PSD3: variants seen among roughly 807,000 people sequenced by gnomAD.
PSD3 encodes pleckstrin and Sec7 domain containing 3.
A neutral mutation model predicts 105.5 loss-of-function variants in PSD3; 49 were observed. The ratio of observed to expected loss-of-function variants is 0.46; its 90% CI spans 0.37 to 0.59. The LOEUF is 0.59. Ranked by LOEUF, PSD3 falls within the 20% of genes least tolerant of loss-of-function variation. The probability of loss-of-function intolerance (pLI) is 0.00; values close to 1 mark genes in which losing one functional copy is unlikely to be tolerated. For synonymous variants in PSD3, 557 were observed against 457.8 expected (o/e 1.22, Z -2.77); for missense variants, 1,561 against 1,263.8 (o/e 1.24, Z -3.57).
chr8:18,549,085 C>G (rs1173527434), intron 15 of PSD3, among the ~76,000 whole-genome samples: 1 of 151,970 alleles, frequency 6.6e-6, no homozygotes, highest in African/African-American at 2.4e-5. Context: ...TTGCAGGGGG[C>G]TCTCTTGGCA....
intron 8 of PSD3, among the ~76,000 whole-genome samples, chr8:18,791,894 C>T (rs1586009733): frequency 6.6e-6 from 1 of 152,104 alleles, no homozygotes; most frequent in East Asian, 1.9e-4. Context: ...CAAACAATCA[C>T]ATTAAAAAGT....
rs577333583 is a variant in PSD3 at position 18,878,000 on chromosome 8, C to G, written c.131-5267G>C. Reference sequence around the variant, plus strand: ...AATTTCCCATTACTTTTAGAATCAACTCGTCAGAAAGCTGTGATTTTGATA... The same window carrying G: ...AATTTCCCATTACTTTTAGAATCAAGTCGTCAGAAAGCTGTGATTTTGATA... On this transcript the variant is annotated intron_variant, in intron 2 of 15. Transcript: ENST00000327040. 5.3e-5 allele frequency among the ~76,000 whole-genome samples: 8 copies of G among 152,240 alleles called. No individual in the cohort carries two copies. The South Asian group carries it at 1.5e-3, about 28-fold the overall frequency.
At chr8:18,972,405 A>T (rs1367586201) in intron 1 of PSD3, among the ~76,000 whole-genome samples, 3 of 152,254 alleles carry the variant, frequency 2.0e-5, no homozygotes, top group Non-Finnish European at 4.4e-5. Context: ...ATCAAAGAGC[A>T]GCAGTTATCA....
chr8:18,983,906 G>A (rs1825367002), intron 1 of PSD3, among the ~76,000 whole-genome samples: 2 of 151,326 alleles, frequency 1.3e-5, no homozygotes, highest in African/African-American at 2.4e-5. Context: ...AGGAGGCTGA[G>A]ACAGGAGGAT....
chr8:18,814,489 T>G (rs1812037300), intron 4 of PSD3, among the ~76,000 whole-genome samples: 1 of 152,212 alleles, frequency 6.6e-6, no homozygotes, highest in African/African-American at 2.4e-5. Flanking sequence ...ACTTTTTGTT[T>G]TATTTACTTA....
chr8:18,817,193 G>A (rs1023306751), intron 4 of PSD3, among the ~76,000 whole-genome samples: 4 of 152,128 alleles, frequency 2.6e-5, no homozygotes, highest in East Asian at 1.9e-4. Flanking sequence ...ATTAACTGCC[G>A]ATTCTCCAAC....
chr8:18,871,889 T>C lies in PSD3; in HGVS notation c.975A>G (p.Ser325=). ...ETQHPIDFET[S]LQRTASPDSK... Reference sequence around the variant, plus strand: ...TGTCAGGAGAGGCTGTTCTTTGCAGTGATGTCTCAAAATCTATAGGATGCT... The same window carrying C: ...TGTCAGGAGAGGCTGTTCTTTGCAGCGATGTCTCAAAATCTATAGGATGCT... Residue 325 remains serine (S), a synonymous_variant, in exon 3 of 16, where the codon TCA becomes TCG. Coordinates refer to ENST00000327040, the MANE Select transcript of PSD3 (RefSeq NM_015310.4). 3 of 1,614,224 alleles carry C rather than the reference T, an allele frequency of 1.9e-6. No individual in the cohort carries two copies. Among genetic ancestry groups the C allele is most frequent in the African/African-American group, 1.3e-5 (1 of 75,052 alleles).
At chr8:18,828,285 C>CA (rs1258142635) in intron 4 of PSD3, among the ~76,000 whole-genome samples, 2 of 151,460 alleles carry the variant, frequency 1.3e-5, no homozygotes, top group Non-Finnish European at 2.9e-5. Flanking sequence ...AAAATCCACC[C>CA]AAAAAATGAC....
chr8:18,992,927 A>C (rs1234030554), intron 1 of PSD3, among the ~76,000 whole-genome samples: 1 of 152,210 alleles, frequency 6.6e-6, no homozygotes, highest in African/African-American at 2.4e-5. Context: ...AAACAACTCA[A>C]TAATTATTTC....
chr8:18,873,535 TAAC>T (rs1485045519), intron 2 of PSD3, among the ~76,000 whole-genome samples: 1 of 152,184 alleles, frequency 6.6e-6, no homozygotes, highest in Admixed American at 6.5e-5. Flanking sequence ...TCAAGCTAAT[TAAC>T]AACATACCAG....
intron 1 of PSD3, among the ~76,000 whole-genome samples, chr8:18,958,966 G>C (rs1823746117): frequency 6.6e-6 from 1 of 151,336 alleles, no homozygotes; most frequent in Admixed American, 6.6e-5. Context: ...TGTTGCCCAG[G>C]GTGGAGTGCA....
intron 1 of PSD3, among the ~76,000 whole-genome samples, chr8:19,009,602 G>A (rs1826862131): frequency 6.6e-6 from 1 of 152,296 alleles, no homozygotes; most frequent in Non-Finnish European, 1.5e-5. Flanking sequence ...CCAAAAGTTA[G>A]GACTTGGCCG....
At chr8:19,073,482 T>C (rs1360323950) in intron 1 of PSD3, among the ~76,000 whole-genome samples, 2 of 131,590 alleles carry the variant, frequency 1.5e-5, no homozygotes, top group African/African-American at 6.0e-5. Context: ...ACTCAGGAGG[T>C]GGAGGTTGCA....
Position 18,533,961 on chromosome 8 carries a change from AG to A in PSD3, c.*1781del, listed in dbSNP as rs1799730839. ...AGGTGTGGCAAAATACTTATTACAAAGAAAGCAACTGCAACCCTAGAGAGGG... is the reference window on the plus strand; with the variant it reads ...AGGTGTGGCAAAATACTTATTACAAAAAAGCAACTGCAACCCTAGAGAGGG... On this transcript the variant is annotated 3_prime_UTR_variant, in exon 16 of 16. Coordinates refer to ENST00000327040, the MANE Select transcript of PSD3 (RefSeq NM_015310.4). 1 of 152,188 alleles carries A rather than the reference AG, an allele frequency of 6.6e-6. No homozygotes were observed. The highest frequency in any genetic ancestry group is 1.5e-5 in the Non-Finnish European group (1 of 68,034). The allele number at this position is 152,188 out of a possible 1,614,324, so 9.4% of individuals were successfully genotyped here.
At chr8:18,860,983 C>A (rs1276533565) in intron 4 of PSD3, among the ~76,000 whole-genome samples, 1 of 152,144 alleles carries the variant, frequency 6.6e-6, no homozygotes, top group Non-Finnish European at 1.5e-5. Context: ...CCACCAATAT[C>A]CAGGGAATTA....
At chr8:18,995,610 A>G (rs1693363284) in intron 1 of PSD3, among the ~76,000 whole-genome samples, 1 of 152,014 alleles carries the variant, frequency 6.6e-6, no homozygotes, top group Non-Finnish European at 1.5e-5. Context: ...GGCTGCTATT[A>G]AAGACATGCC....
At chr8:18,584,398 A>G (rs1803014854) in intron 12 of PSD3, among the ~76,000 whole-genome samples, 1 of 152,238 alleles carries the variant, frequency 6.6e-6, no homozygotes, top group Non-Finnish European at 1.5e-5. Context: ...CTCTCACACT[A>G]GAGTGTTCAT....
At chr8:18,728,871 G>C (rs897812200) in intron 9 of PSD3, among the ~76,000 whole-genome samples, 13 of 152,236 alleles carry the variant, frequency 8.5e-5, no homozygotes, top group African/African-American at 2.6e-4. Flanking sequence ...AGCTGGGAAG[G>C]GGAAGGGGAC....
chr8:18,931,641 G>A lies in PSD3; in HGVS notation c.130+4393C>T, dbSNP rs192117498. On this transcript the variant is annotated intron_variant, in intron 2 of 15. Transcript: ENST00000327040. ...TATGGCTTCCCCACTAGTGCCACCC[G>A]ACTCTTTTCTTTTAATGATGGGCTC... Among the ~76,000 whole-genome samples, 45 of 152,226 alleles carry A rather than the reference G, an allele frequency of 3.0e-4. No individual in the cohort carries two copies. In the East Asian group the frequency reaches 6.2e-3, roughly 21 times the overall value.
Sources: allele counts gnomAD v4.1 joint callset (sites outside exome capture counted in the v4.1 genomes callset), GRCh38; gene constraint gnomAD v4.1.1; transcripts MANE v1.5; gene names NCBI Gene and HGNC (gene_info 2026-07-23, HGNC 2026-07-21).